The following AP1G1 variants were observed in gnomAD, a reference collection of about 807,000 sequenced individuals.
AP1G1 encodes AP-1 complex subunit gamma-1.
A neutral mutation model predicts 108.3 loss-of-function variants in AP1G1; 7 were observed. The observed-to-expected ratio is 0.06, with a 90% CI of 0.04 to 0.12. AP1G1 has a LOEUF of 0.12. Ranked by LOEUF, AP1G1 falls within the 10% of genes least tolerant of loss-of-function variation. The pLI is 1.00. For missense variants in AP1G1, 756 were observed against 1,010.7 expected (o/e 0.75, Z 3.42); for synonymous variants, 379 against 353.5 (o/e 1.07, Z -0.81).
Position 71,758,796 on chromosome 16 carries a change from TCA to T in AP1G1, c.1088+10_1088+11del. On this transcript the variant is annotated intron_variant, in intron 11 of 22. Coordinates refer to ENST00000299980, the MANE Select transcript of AP1G1 (RefSeq NM_001128.6). The stretch of plus-strand genomic sequence containing the variant: ...AAAAACACTAGACTGAGAAAGGCTC[TCA>T]GTTTGTTACCGTTTTATTGAGACAT... 1 of 1,528,234 alleles carries T rather than the reference TCA, an allele frequency of 6.5e-7. No individual in the cohort carries two copies. The highest frequency in any genetic ancestry group is 9.0e-7 in the Non-Finnish European group (1 of 1,114,552). The allele number at this position is 1,528,234 out of a possible 1,614,324, so 94.7% of individuals were successfully genotyped here.
At chr16:71,767,491 C>G (rs2031363437) in intron 6 of AP1G1, among the ~76,000 whole-genome samples, 1 of 152,178 alleles carries the variant, frequency 6.6e-6, no homozygotes, top group Admixed American at 6.5e-5. Flanking sequence ...TATGAGGTTA[C>G]CCACATGCGG....
intron 2 of AP1G1, among the ~76,000 whole-genome samples, chr16:71,778,275 T>C (rs2031866383): frequency 6.6e-6 from 1 of 152,216 alleles, no homozygotes; most frequent in South Asian, 2.1e-4. Flanking sequence ...TATAAGGTTA[T>C]ATGACTGGAA....
At chr16:71,770,416 C>G (rs2145483464) in intron 5 of AP1G1, among the ~76,000 whole-genome samples, 1 of 152,356 alleles carries the variant, frequency 6.6e-6, no homozygotes, top group African/African-American at 2.4e-5. Context: ...TTTAATTCCT[C>G]TGTTTTATAC....
chr16:71,761,672 A>G, intron 9 of AP1G1, 105 bp from the exon 10 acceptor site: 1 of 855,956 alleles, frequency 1.2e-6, no homozygotes, highest in Non-Finnish European at 1.9e-6. Context: ...ACAGACTGCT[A>G]GCAAAAAAAA....
At chr16:71,791,039 T>G (rs1052113983) in intron 1 of AP1G1, among the ~76,000 whole-genome samples, 4 of 151,710 alleles carry the variant, frequency 2.6e-5, no homozygotes, top group Non-Finnish European at 4.4e-5. Context: ...TGGCCAACAT[T>G]GCAAAACCCT....
chr16:71,743,388 CT>C (rs767025205), intron 19 of AP1G1: 3 of 152,064 alleles, frequency 2.0e-5, no homozygotes, highest in Non-Finnish European at 2.9e-5. Context: ...GTCATGTGTG[CT>C]TTAACTCTTC....
rs776897766 is a variant in AP1G1 at position 71,748,263 on chromosome 16, G to C, written c.1613C>G (p.Thr538Ser). The change falls in exon 16 of 23, where the codon ACT becomes AGT. Residue 538 changes from threonine to serine, a missense_variant. By Grantham distance (58) the Thr-to-Ser change is moderately conservative. Coordinates refer to ENST00000299980, the MANE Select transcript of AP1G1 (RefSeq NM_001128.6). ...TAIMKLSTRF[T>S]CTVNRIKKVV... Reference sequence around the variant, plus strand: ...CTTCAATACTCACTTTACAGTACAAGTGAATCGAGTGGAAAGCTTCATAAT... The same window carrying C: ...CTTCAATACTCACTTTACAGTACAACTGAATCGAGTGGAAAGCTTCATAAT... 6.2e-7 allele frequency: 1 copy of C among 1,613,946 alleles called. No individual in the cohort carries two copies. The highest frequency in any genetic ancestry group is 8.5e-7 in the Non-Finnish European group (1 of 1,179,992).
intron 11 of AP1G1, 86 bp from the exon 12 acceptor site, chr16:71,756,245 A>G: frequency 8.1e-7 from 1 of 1,238,870 alleles, no homozygotes; most frequent in East Asian, 2.4e-5. Flanking sequence ...GTGAACACCA[A>G]GTACTGCCAG....
In AP1G1 at chr16:71,789,334, T is replaced by A. The variant is rs1237297173; in HGVS notation, c.146A>T (p.Asn49Ile). Residue 49 changes from asparagine to isoleucine, a missense_variant, in exon 2 of 23, where the codon AAT (asparagine) becomes ATT (isoleucine). Asn to Ile is a moderately radical substitution (Grantham distance 149). Coordinates refer to ENST00000299980, the MANE Select transcript of AP1G1 (RefSeq NM_001128.6). ...REEDNTYRCR[N>I]VAKLLYMHML... is the part of the protein sequence containing the mutation. ...GTGCATATACAGTAATTTTGCCACATTCCGACATCGGTATGTATTGTCTTC... is the reference window on the plus strand; with the variant it reads ...GTGCATATACAGTAATTTTGCCACAATCCGACATCGGTATGTATTGTCTTC... The A allele has an allele frequency of 6.2e-7, 1 of 1,614,124 alleles. No homozygotes were observed. Among genetic ancestry groups the A allele is most frequent in the Non-Finnish European group, 8.5e-7 (1 of 1,180,052 alleles).
At chr16:71,766,772 T>A (rs1308621767) in intron 6 of AP1G1, among the ~76,000 whole-genome samples, 2 of 152,200 alleles carry the variant, frequency 1.3e-5, no homozygotes, top group East Asian at 3.8e-4. Context: ...TAAGGCCACT[T>A]ATAAACACAA....
chr16:71,769,946 A>C (rs899456609), intron 5 of AP1G1, among the ~76,000 whole-genome samples: 1 of 152,220 alleles, frequency 6.6e-6, no homozygotes, highest in Non-Finnish European at 1.5e-5. Context: ...ATTATGAAAA[A>C]GTGACGACCA....
At position 71,758,390 on chromosome 16, in the gene AP1G1, T is replaced by C. The variant is rs757008477; in HGVS notation, c.1088+418A>G. On this transcript the variant is annotated intron_variant, in intron 11 of 22. Transcript: ENST00000299980. ...TGCCTTCAGGATCCTGGGGCGTAAG[T>C]ACTGTGAAAAACGTGTGCTGTCAGC... 6.4e-5 allele frequency: 33 copies of C among 519,114 alleles called. 1 individual carries two copies. The highest frequency in any genetic ancestry group is 4.5e-4 in the South Asian group (32 of 70,946). The allele number at this position is 519,114 out of a possible 1,614,324, so 32.2% of individuals were successfully genotyped here.
At chr16:71,805,740 A>C (rs993859284) in intron 1 of AP1G1, among the ~76,000 whole-genome samples, 24 of 152,202 alleles carry the variant, frequency 1.6e-4, no homozygotes, top group African/African-American at 5.8e-4. Context: ...AATTTGTATA[A>C]ATTAAAAGTT....
intron 13 of AP1G1, among the ~76,000 whole-genome samples, chr16:71,752,182 G>A (rs2030543167): frequency 6.6e-6 from 1 of 151,568 alleles, no homozygotes; most frequent in South Asian, 2.1e-4. Context: ...AAAATCAGGG[G>A]CACAAAAAAA....
chr16:71,753,817 G>A lies in AP1G1; in HGVS notation c.1284+16C>T. On this transcript the variant is annotated intron_variant, in intron 13 of 22. Coordinates refer to ENST00000299980, the MANE Select transcript of AP1G1 (RefSeq NM_001128.6). The stretch of plus-strand genomic sequence containing the variant: ...TCCCAGCACTTCGTATATGCTGTCT[G>A]AAAGAAGCTACTTACCGTTGTCAAA... 1 of 1,611,400 alleles carries A rather than the reference G, an allele frequency of 6.2e-7. No individual in the cohort carries two copies. The highest frequency in any genetic ancestry group is 8.5e-7 in the Non-Finnish European group (1 of 1,177,598).
At chr16:71,794,835 C>CTTTTCTTTTTTTTTTTTTTTTTTTTTTTT (rs2032522793) in intron 1 of AP1G1, among the ~76,000 whole-genome samples, 2 of 39,658 alleles carry the variant, frequency 5.0e-5, no homozygotes, top group African/African-American at 2.1e-4. Flanking sequence ...ATGAGAAGTG[C>CTTTTCTTTTTTTTTTTTTTTTTTTTTTTT]TTTTTTTTTT....
intron 13 of AP1G1, among the ~76,000 whole-genome samples, chr16:71,750,723 T>C (rs779504320): frequency 7.9e-5 from 12 of 151,978 alleles, no homozygotes; most frequent in Non-Finnish European, 1.5e-4. Context: ...GCCATTACTA[T>C]TGTTTTTAAA....
rs1205647315 is a variant in AP1G1 at position 71,750,217 on chromosome 16, T to A, written c.1400A>T (p.Tyr467Phe). ...QRLYKAILGDYSQQPLVQVAA... is the reference protein window; with the variant it reads ...QRLYKAILGDFSQQPLVQVAA... ...GTTGAATGAAGTACTTACTTGAGAA[T>A]AATCACCAAGAATTGCTTTGTACAG... The change falls in exon 14 of 23, where the codon TAT becomes TTT. Residue 467 changes from tyrosine to phenylalanine, a missense_variant. This residue lies in a region of AP1G1 where 357 missense variants were observed against 366.5 expected (regional missense o/e 0.97). Coordinates refer to ENST00000299980, the MANE Select transcript of AP1G1 (RefSeq NM_001128.6). 6.2e-7 allele frequency: 1 copy of A among 1,613,808 alleles called. No homozygotes were observed. Among genetic ancestry groups the A allele is most frequent in the East Asian group, 2.2e-5 (1 of 44,872 alleles).
chr16:71,793,870 A>C (rs13337119), intron 1 of AP1G1, among the ~76,000 whole-genome samples: 5,656 of 152,074 alleles, frequency 0.037, 349 homozygotes, highest in African/African-American at 0.13. Context: ...CCACCACACC[A>C]GGCTGACTGG....
Sources: gnomAD v4.1 joint callset for allele counts (sites outside exome capture counted in the v4.1 genomes callset) on GRCh38, gnomAD v4.1.1 for gene constraint, gnomAD v4.1.1 regional missense constraint, MANE v1.5 for transcripts, NCBI Gene and HGNC (gene_info 2026-07-23, HGNC 2026-07-21) for gene names.